The following UNC13C variants were observed in gnomAD, a reference collection of about 807,000 sequenced individuals.
The protein encoded by UNC13C is protein unc-13 homolog C.
A neutral mutation model predicts 245.4 loss-of-function variants in UNC13C; 174 were observed. That is an observed-to-expected ratio of 0.71 (90% CI 0.63 to 0.80). UNC13C has a LOEUF of 0.80. Ranked by LOEUF, UNC13C falls within the 30% of genes least tolerant of loss-of-function variation. The pLI is 0.00. For synonymous variants in UNC13C, 992 were observed against 895.1 expected (o/e 1.11, Z -1.93); for missense variants, 2,829 against 2,602.9 (o/e 1.09, Z -1.89).
chr15:54,350,141 G>A (rs537149975), intron 17 of UNC13C, among the ~76,000 whole-genome samples: 1 of 152,042 alleles, frequency 6.6e-6, no homozygotes, highest in Admixed American at 6.6e-5. Flanking sequence ...ACAGGCGCCC[G>A]ACACCACTCC....
At chr15:54,395,294 CTTTG>C (rs1370551530) in intron 18 of UNC13C, among the ~76,000 whole-genome samples, 17 of 151,818 alleles carry the variant, frequency 1.1e-4, no homozygotes, top group Non-Finnish European at 4.4e-5. Context: ...ATATCTGTTA[CTTTG>C]TTTGAATACT....
At chr15:54,357,718 G>C (rs2039128126) in intron 17 of UNC13C, among the ~76,000 whole-genome samples, 1 of 151,946 alleles carries the variant, frequency 6.6e-6, no homozygotes, top group African/African-American at 2.4e-5. Flanking sequence ...AGAAATCCAG[G>C]GGAAAAATAC....
At chr15:54,011,798 C>T (rs925913715) in intron 1 of UNC13C, among the ~76,000 whole-genome samples, 2 of 152,162 alleles carry the variant, frequency 1.3e-5, no homozygotes, top group Admixed American at 6.6e-5. Context: ...CTGGCCAGAA[C>T]ATGTATCCCC....
the UNC13C span, among the ~76,000 whole-genome samples, chr15:53,844,804 C>A: frequency 6.6e-6 from 1 of 152,038 alleles, no homozygotes; most frequent in Non-Finnish European, 1.5e-5. Context: ...TTCAAGCAGG[C>A]ATGTTAAGGG....
In UNC13C at chr15:54,014,972, T is replaced by C; in HGVS notation, c.2069T>C (p.Val690Ala). ...AGTCTTTTTGACCAACAGCTTGATG[T>C]TTACAATAAAGACCTAGAATACTTG... ...TNSLFDQQLDVYNKDLEYLGK... is the reference protein window; with the variant it reads ...TNSLFDQQLDAYNKDLEYLGK... The change falls in exon 2 of 33, where the codon GTT (valine) becomes GCT (alanine). Residue 690 changes from valine (V) to alanine (A), a missense_variant. Coordinates refer to ENST00000260323, the MANE Select transcript of UNC13C (RefSeq NM_001080534.3). 6.2e-7 allele frequency: 1 copy of C among 1,613,814 alleles called. No individual in the cohort carries two copies. Among genetic ancestry groups the C allele is most frequent in the Non-Finnish European group, 8.5e-7 (1 of 1,179,848 alleles).
chr15:54,127,121 T>C (rs2031096413), intron 2 of UNC13C, among the ~76,000 whole-genome samples: 1 of 152,144 alleles, frequency 6.6e-6, no homozygotes, highest in South Asian at 2.1e-4. Context: ...AGTAAATTAA[T>C]TCGGTCATTG....
chr15:53,878,601 C>G, the UNC13C span, among the ~76,000 whole-genome samples: 1 of 152,110 alleles, frequency 6.6e-6, no homozygotes, highest in African/African-American at 2.4e-5. Flanking sequence ...TCTAGCCATG[C>G]ACTTCTTGTC....
intron 17 of UNC13C, among the ~76,000 whole-genome samples, chr15:54,358,514 T>A (rs1383730038): frequency 6.6e-6 from 1 of 152,090 alleles, no homozygotes; most frequent in Non-Finnish European, 1.5e-5. Flanking sequence ...TATCTTATAG[T>A]TTTCAGTATA....
At chr15:54,038,124 A>ATATATATATATATTTTTTTTTTTT in intron 2 of UNC13C, among the ~76,000 whole-genome samples, 1 of 45,040 alleles carries the variant, frequency 2.2e-5, no homozygotes, top group African/African-American at 1.1e-4. Context: ...ATATATATAT[A>ATATATATATATATTTTTTTTTTTT]TTTTTTTTTT....
At chr15:54,545,431 A>C (rs1896441246) in intron 26 of UNC13C, among the ~76,000 whole-genome samples, 1 of 152,212 alleles carries the variant, frequency 6.6e-6, no homozygotes, top group South Asian at 2.1e-4. Context: ...TGGCAACAAA[A>C]GCCGAAACTG....
the UNC13C span, among the ~76,000 whole-genome samples, chr15:53,877,464 T>A: frequency 1.3e-3 from 199 of 152,164 alleles, no homozygotes; most frequent in African/African-American, 4.7e-3. Context: ...AAAACCTAGG[T>A]TAATATTCAT....
chr15:54,247,798 C>T (rs1306391991), intron 7 of UNC13C, among the ~76,000 whole-genome samples: 3 of 151,242 alleles, frequency 2.0e-5, no homozygotes, highest in Admixed American at 6.6e-5. Flanking sequence ...ATTAGCTTTA[C>T]TCTCCCTTTA....
intron 10 of UNC13C, among the ~76,000 whole-genome samples, chr15:54,266,285 T>G (rs763177576): frequency 6.6e-6 from 1 of 151,964 alleles, no homozygotes; most frequent in Non-Finnish European, 1.5e-5. Context: ...AAGGAAGTCT[T>G]AAGAAATAGG....
chr15:54,140,794 T>C (rs908762621), intron 2 of UNC13C, among the ~76,000 whole-genome samples: 1 of 151,668 alleles, frequency 6.6e-6, no homozygotes, highest in Non-Finnish European at 1.5e-5. Flanking sequence ...TTATGTTCTT[T>C]CATGAGGGCA....
intron 2 of UNC13C, among the ~76,000 whole-genome samples, chr15:54,109,287 T>G (rs1424316925): frequency 6.8e-5 from 1 of 14,646 alleles, no homozygotes; most frequent in Non-Finnish European, 1.4e-4. Context: ...TCCCCTCCCC[T>G]CCCCTCCCTT....
chr15:54,275,016 G>A (rs900392706), intron 10 of UNC13C, among the ~76,000 whole-genome samples: 1 of 151,728 alleles, frequency 6.6e-6, no homozygotes, highest in Non-Finnish European at 1.5e-5. Context: ...CTATAAAGGG[G>A]GTAAAATAAA....
At chr15:54,398,145 C>T (rs979592694) in intron 18 of UNC13C, among the ~76,000 whole-genome samples, 7 of 151,168 alleles carry the variant, frequency 4.6e-5, no homozygotes, top group East Asian at 1.9e-4. Context: ...CTTATTATTC[C>T]GAAAGTTTTT....
chr15:53,972,285 G>T, the UNC13C span, among the ~76,000 whole-genome samples: 9 of 152,158 alleles, frequency 5.9e-5, no homozygotes, highest in Non-Finnish European at 1.3e-4. Context: ...TTAGGGTTTT[G>T]TTTTAGCTTT....
chr15:54,487,004 G>A (rs1893448732), intron 19 of UNC13C, among the ~76,000 whole-genome samples: 1 of 152,156 alleles, frequency 6.6e-6, no homozygotes, highest in Admixed American at 6.5e-5. Context: ...TAAGAGGAAT[G>A]TCCAACTGGA....
Sources: gnomAD v4.1 joint callset for allele counts (sites outside exome capture counted in the v4.1 genomes callset) on GRCh38, gnomAD v4.1.1 for gene constraint, MANE v1.5 for transcripts, NCBI Gene and HGNC (gene_info 2026-07-23, HGNC 2026-07-21) for gene names.